Variants in OTUD7A observed in about 807,000 individuals in gnomAD.
OTUD7A encodes OTU deubiquitinase 7A.
In OTUD7A, 12 loss-of-function variants were observed where a neutral mutation model predicts 65.7. The ratio of observed to expected loss-of-function variants is 0.18; its 90% CI spans 0.12 to 0.30. The LOEUF (loss-of-function observed/expected upper bound fraction) is 0.30. Ranked by LOEUF, OTUD7A falls within the 10% of genes least tolerant of loss-of-function variation. The pLI is 1.00. For synonymous variants in OTUD7A, 641 were observed against 586.3 expected (o/e 1.09, Z -1.35); for missense variants, 1,148 against 1,304.8 (o/e 0.88, Z 1.85).
At position 31,561,784 on chromosome 15, in the gene OTUD7A, T is replaced by TCACACACACACACACACACACACACACA. The variant is rs3075495; in HGVS notation, c.332-2598_332-2597insTGTGTGTGTGTGTGTGTGTGTGTGTGTG. Among the ~76,000 whole-genome samples the TCACACACACACACACACACACACACACA allele has an allele frequency of 2.1e-4, 31 of 150,524 alleles. No homozygotes were observed. In the South Asian group the frequency reaches 6.1e-3, roughly 30 times the overall value. On this transcript the variant is annotated intron_variant, in intron 4 of 12. Transcript: ENST00000307050. Reference sequence around the variant, plus strand: ...TCATCTCTCTCACACACACACAGAGTCACACACACACACACACATTCACAC... The same window carrying TCACACACACACACACACACACACACACA: ...TCATCTCTCTCACACACACACAGAGTCACACACACACACACACACACACACACACACACACACACACACACATTCACAC...
At chr15:31,765,134 A>T (rs1355372153) in intron 1 of OTUD7A, among the ~76,000 whole-genome samples, 1 of 152,104 alleles carries the variant, frequency 6.6e-6, no homozygotes, top group Non-Finnish European at 1.5e-5. Flanking sequence ...TAGAATTCAA[A>T]ATATATATAT....
intron 5 of OTUD7A, among the ~76,000 whole-genome samples, chr15:31,547,975 T>G (rs184352478): frequency 6.6e-6 from 1 of 152,366 alleles, no homozygotes; most frequent in Admixed American, 6.5e-5. Flanking sequence ...TCCTTTACGC[T>G]TTCTCAGCTG....
At chr15:31,757,193 G>C (rs1169677606) in intron 1 of OTUD7A, among the ~76,000 whole-genome samples, 1 of 152,132 alleles carries the variant, frequency 6.6e-6, no homozygotes, top group African/African-American at 2.4e-5. Flanking sequence ...TCCTGGTGCT[G>C]AATCTCCAGG....
intron 5 of OTUD7A, chr15:31,557,376 C>T (rs4260016): frequency 0.61 from 92,548 of 152,200 alleles, 30,697 homozygotes; most frequent in East Asian, 0.91. Flanking sequence ...ACAGATCTAC[C>T]GTCTATCCTT....
chr15:31,619,470 C>G (rs927829066), intron 3 of OTUD7A, among the ~76,000 whole-genome samples: 1 of 152,014 alleles, frequency 6.6e-6, no homozygotes, highest in Non-Finnish European at 1.5e-5. Flanking sequence ...GTAGTTCTCC[C>G]TGAAGAGGTC....
intron 1 of OTUD7A, among the ~76,000 whole-genome samples, chr15:31,768,552 G>A (rs143960250): frequency 4.9e-4 from 74 of 152,128 alleles, no homozygotes; most frequent in African/African-American, 1.7e-3. Context: ...CTAGCTACTC[G>A]GGAGGCTGAG....
intron 3 of OTUD7A, among the ~76,000 whole-genome samples, chr15:31,624,518 T>C (rs2141241139): frequency 6.6e-6 from 1 of 152,308 alleles, no homozygotes; most frequent in Non-Finnish European, 1.5e-5. Context: ...CAGAGGGACT[T>C]TGGCAAATCT....
At chr15:31,546,742 T>C (rs886323417) in intron 5 of OTUD7A, among the ~76,000 whole-genome samples, 5 of 152,226 alleles carry the variant, frequency 3.3e-5, no homozygotes, top group Admixed American at 1.3e-4. Flanking sequence ...AATGGAGAAG[T>C]TATTTGTAAT....
chr15:31,766,085 G>A (rs1342214143), intron 1 of OTUD7A: 46 of 1,467,330 alleles, frequency 3.1e-5, no homozygotes, highest in Non-Finnish European at 4.3e-5. Context: ...CCCTTTTTAA[G>A]TAGTCAAGAT....
At chr15:31,847,938 C>A (rs949554772) in intron 1 of OTUD7A, among the ~76,000 whole-genome samples, 4 of 152,212 alleles carry the variant, frequency 2.6e-5, no homozygotes, top group Non-Finnish European at 5.9e-5. Flanking sequence ...AACCCACTCA[C>A]TATCATGAGA....
intron 3 of OTUD7A, among the ~76,000 whole-genome samples, chr15:31,601,861 G>A (rs150643164): frequency 0.17 from 25,232 of 152,068 alleles, 2,400 homozygotes; most frequent in East Asian, 0.25. Context: ...TAGAAGAAAC[G>A]GATAAATTCC....
At chr15:31,667,680 C>T (rs1270111760) in intron 1 of OTUD7A, among the ~76,000 whole-genome samples, 1 of 152,054 alleles carries the variant, frequency 6.6e-6, no homozygotes, top group Non-Finnish European at 1.5e-5. Context: ...CTATTTGTTG[C>T]CTGTGTACCT....
At chr15:31,808,499 C>T (rs1358653930) in intron 1 of OTUD7A, among the ~76,000 whole-genome samples, 1 of 152,204 alleles carries the variant, frequency 6.6e-6, no homozygotes, top group Non-Finnish European at 1.5e-5. Context: ...TACCGTTGTT[C>T]TTGACACCAC....
intron 3 of OTUD7A, among the ~76,000 whole-genome samples, chr15:31,637,807 A>C (rs1891387980): frequency 1.3e-5 from 2 of 152,202 alleles, no homozygotes; most frequent in African/African-American, 4.8e-5. Flanking sequence ...ATGTGGTGGA[A>C]GAGAACTGGA....
intron 1 of OTUD7A, among the ~76,000 whole-genome samples, chr15:31,741,321 T>C (rs1348871828): frequency 6.6e-6 from 1 of 152,228 alleles, no homozygotes; most frequent in Non-Finnish European, 1.5e-5. Flanking sequence ...CACAACTTCA[T>C]AATTTTTTAA....
intron 1 of OTUD7A, among the ~76,000 whole-genome samples, chr15:31,678,872 T>C (rs1275361428): frequency 1.3e-5 from 2 of 152,198 alleles, no homozygotes; most frequent in African/African-American, 4.8e-5. Context: ...ATTCTCCAGA[T>C]CCCAGAATCG....
rs539778469 is a variant in OTUD7A, at chr15:31,751,663, T to G, written c.-99-94586A>C. ...CAGCAACAAAGACATGGAATCAACC[T>G]AGATGCCCATCAGTGATGGACTGAA... On this transcript the variant is annotated intron_variant, in intron 1 of 12. Coordinates refer to ENST00000307050, the MANE Select transcript of OTUD7A (RefSeq NM_001382637.1). 9.2e-5 allele frequency among the ~76,000 whole-genome samples: 14 copies of G among 152,234 alleles called. No individual in the cohort carries two copies. The South Asian group carries it at 2.7e-3, about 29-fold the overall frequency.
At chr15:31,612,534 C>T (rs953927049) in intron 3 of OTUD7A, among the ~76,000 whole-genome samples, 1 of 152,068 alleles carries the variant, frequency 6.6e-6, no homozygotes, top group Admixed American at 6.6e-5. Context: ...AAGAACTCAA[C>T]CCCTTTTACA....
At chr15:31,486,267 G>T (rs1440342529) in intron 12 of OTUD7A, among the ~76,000 whole-genome samples, 1 of 152,148 alleles carries the variant, frequency 6.6e-6, no homozygotes, top group Non-Finnish European at 1.5e-5. Context: ...CCTTTGAGAC[G>T]CAGGACTCAA....
Sources: allele counts gnomAD v4.1 joint callset (sites outside exome capture counted in the v4.1 genomes callset), GRCh38; gene constraint gnomAD v4.1.1; transcripts MANE v1.5; gene names NCBI Gene and HGNC (gene_info 2026-07-23, HGNC 2026-07-21).